The following NAV2 variants were observed in gnomAD, a reference collection of about 807,000 sequenced individuals.
NAV2 encodes helicase, APC down-regulated 1.
A neutral mutation model predicts 223.2 loss-of-function variants in NAV2; 54 were observed. That is an observed-to-expected ratio of 0.24 (90% CI 0.19 to 0.30). The LOEUF (loss-of-function observed/expected upper bound fraction) is 0.30. Among genes scored for constraint, NAV2 ranks in the 10% least tolerant of loss-of-function variants. The pLI is 1.00. For synonymous variants in NAV2, 1,279 were observed against 1,239.3 expected (o/e 1.03, Z -0.67); for missense variants, 2,806 against 3,147.5 (o/e 0.89, Z 2.60).
chr11:20,054,389 T>G lies in NAV2; in HGVS notation c.4642+149T>G. On this transcript the variant is annotated intron_variant, in intron 18 of 37. Transcript: ENST00000349880. ...GTTCTTTAGTGGTGATTTCTGAGAT[T>G]TTGGTGCACCCATCACTTGAGTTAT... is the stretch of plus-strand genomic sequence containing the variant. The G allele has an allele frequency of 4.3e-6, 3 of 699,134 alleles. No individual in the cohort carries two copies. The South Asian group carries it at 7.1e-5, about 17-fold the overall frequency. 43.3% of individuals were successfully genotyped at this position (699,134 alleles called of 1,614,324 possible). A position where few individuals can be genotyped will look rare whatever the true frequency, so the allele number is the denominator to read the frequency against.
chr11:20,100,908 C>T (rs1381189471), intron 31 of NAV2, 29 bp from the exon 32 acceptor site: 8 of 1,594,258 alleles, frequency 5.0e-6, no homozygotes, highest in Non-Finnish European at 6.9e-6. Context: ...TACAGGGCTT[C>T]AGATGATTCC....
In NAV2 at chr11:19,886,131, C is replaced by T. The variant is rs139893369; in HGVS notation, c.770+6004C>T. Among the ~76,000 whole-genome samples, 511 of 151,174 alleles carry T rather than the reference C, an allele frequency of 3.4e-3. 4 individuals carry two copies. The highest frequency in any genetic ancestry group is 0.012 in the African/African-American group (488 of 41,012). ...TAGCTAGGACTACAGGCACATGCCT[C>T]CATACCCAGCTAATTTTTTTTTTTT... On this transcript the variant is annotated intron_variant, in intron 5 of 37. Transcript: ENST00000349880.
Position 20,049,085 on chromosome 11 carries a change from T to C in NAV2, c.4260T>C (p.Ser1420=), listed in dbSNP as rs774668454. The C allele has an allele frequency of 4.3e-6, 7 of 1,613,934 alleles. No individual in the cohort carries two copies. The East Asian group carries it at 1.1e-4, about 26-fold the overall frequency. The part of the protein sequence containing the change: ...SCESIDISLS[S]GGVPSHNSST... ...AGTCCATCGACATCTCCCTCAGCAG[T>C]GGAGGGGTCCCCAGCCACAATTCTT... The change falls in exon 15 of 38, where the codon AGT becomes AGC. Residue 1420 remains serine, a synonymous_variant. Transcript: ENST00000349880.
At chr11:19,884,134 T>A (rs1163581918) in intron 5 of NAV2, among the ~76,000 whole-genome samples, 1 of 152,154 alleles carries the variant, frequency 6.6e-6, no homozygotes, top group African/African-American at 2.4e-5. Flanking sequence ...ATCAGTAAAC[T>A]GAGACCTAGA....
chr11:19,522,338 T>C lies in NAV2; in HGVS notation c.75+171311T>C, dbSNP rs192441380. Among the ~76,000 whole-genome samples, 915 of 152,266 alleles carry C rather than the reference T, an allele frequency of 6.0e-3. 8 individuals carry two copies. The highest frequency in any genetic ancestry group is 0.021 in the African/African-American group (857 of 41,532). On this transcript the variant is annotated intron_variant, in intron 1 of 37. Coordinates refer to the NAV2 transcript ENST00000360655. ...GAGCCCACTGCCTTATTCTTTTTGA[T>C]AGAGAGAGGAGTGGTCCAGGGAGCA...
chr11:19,374,535 G>A (rs922845583), intron 1 of NAV2, among the ~76,000 whole-genome samples: 1 of 151,988 alleles, frequency 6.6e-6, no homozygotes, highest in African/African-American at 2.4e-5. Context: ...GAAACTAATT[G>A]TTTTGATACT....
At chr11:19,768,607 A>C (rs1185639033) in intron 1 of NAV2, among the ~76,000 whole-genome samples, 4 of 152,094 alleles carry the variant, frequency 2.6e-5, no homozygotes, top group Non-Finnish European at 4.4e-5. Context: ...GAGGCAGGCT[A>C]GTTCTATGTG....
intron 1 of NAV2, among the ~76,000 whole-genome samples, chr11:19,400,393 C>G (rs1849633678): frequency 6.6e-6 from 1 of 152,192 alleles, no homozygotes; most frequent in South Asian, 2.1e-4. Context: ...CCCTGGCTTT[C>G]CCATCTGTTC....
At chr11:19,377,924 G>C (rs2133903782) in intron 1 of NAV2, among the ~76,000 whole-genome samples, 1 of 152,250 alleles carries the variant, frequency 6.6e-6, no homozygotes, top group East Asian at 1.9e-4. Context: ...ACTTGACTCT[G>C]GGAGTGATAT....
At chr11:20,092,967 T>TGGGGGGGGCCC in intron 28 of NAV2, 132 bp from the exon 29 acceptor site, 1 of 255,768 alleles carries the variant, frequency 3.9e-6, no homozygotes, top group African/African-American at 2.3e-5. Flanking sequence ...CCTCTCCTCT[T>TGGGGGGGGCCC]CCCCTACCCC....
At chr11:20,083,483 T>C (rs2060220590) in intron 26 of NAV2, among the ~76,000 whole-genome samples, 2 of 152,236 alleles carry the variant, frequency 1.3e-5, no homozygotes, top group Admixed American at 1.3e-4. Context: ...TTTGTGTACG[T>C]ATCCTAGCCC....
chr11:19,435,550 A>G (rs1196789306), intron 1 of NAV2, among the ~76,000 whole-genome samples: 2 of 152,192 alleles, frequency 1.3e-5, no homozygotes, highest in African/African-American at 4.8e-5. Flanking sequence ...GAGTGCAGAC[A>G]TCTCTTTGAC....
chr11:20,031,064 A>G (rs2055677764), intron 11 of NAV2, among the ~76,000 whole-genome samples: 1 of 152,212 alleles, frequency 6.6e-6, no homozygotes, highest in South Asian at 2.1e-4. Flanking sequence ...GCTCAGCGCC[A>G]TCATATGGTT....
chr11:19,711,911 TTAAA>T (rs1408916734), upstream of NAV2: 1 of 152,226 alleles, frequency 6.6e-6, no homozygotes, highest in East Asian at 1.9e-4. Flanking sequence ...GCATGTAAGC[TTAAA>T]TAACTTGCCC....
intron 1 of NAV2, among the ~76,000 whole-genome samples, chr11:19,775,701 C>A (rs1465539308): frequency 6.6e-6 from 1 of 152,172 alleles, no homozygotes; most frequent in Non-Finnish European, 1.5e-5. Flanking sequence ...GAAGTTTCAA[C>A]ATTAGGAGTC....
At chr11:19,487,934 A>G (rs977745499) in intron 1 of NAV2, among the ~76,000 whole-genome samples, 1 of 152,206 alleles carries the variant, frequency 6.6e-6, no homozygotes, top group African/African-American at 2.4e-5. Context: ...GCTCCAAGCC[A>G]CAAAGTTTAG....
intron 1 of NAV2, among the ~76,000 whole-genome samples, chr11:19,771,622 T>TTGTC (rs1310739588): frequency 6.6e-6 from 1 of 151,822 alleles, no homozygotes; most frequent in Non-Finnish European, 1.5e-5. Context: ...AGTATCTGAG[T>TTGTC]TGTCGGGGGA....
At chr11:19,630,483 G>A (rs927117407) in intron 1 of NAV2, among the ~76,000 whole-genome samples, 1 of 152,176 alleles carries the variant, frequency 6.6e-6, no homozygotes, top group Admixed American at 6.5e-5. Context: ...AGAAGAGCAA[G>A]GCAAAAGGGA....
rs375806648 is a variant in NAV2 at position 19,566,306 on chromosome 11, G to T, written c.75+215279G>T. Among the ~76,000 whole-genome samples, 510 of 152,102 alleles carry T rather than the reference G, an allele frequency of 3.4e-3. 3 individuals carry two copies. The highest frequency in any genetic ancestry group is 0.012 in the African/African-American group (478 of 41,480). The stretch of plus-strand genomic sequence containing the variant: ...TTGCCCAGGCTAGTCTCAAACTCCT[G>T]GTCTCAAGCAATTCACCCACCTCGG... On this transcript the variant is annotated intron_variant, in intron 1 of 37. Coordinates refer to the NAV2 transcript ENST00000360655.
Sources: allele counts gnomAD v4.1 joint callset (sites outside exome capture counted in the v4.1 genomes callset), GRCh38; gene constraint gnomAD v4.1.1; transcripts MANE v1.5; gene names NCBI Gene and HGNC (gene_info 2026-07-23, HGNC 2026-07-21).